PRH1: variants seen among roughly 807,000 people sequenced by gnomAD.
The protein encoded by PRH1 is salivary acidic proline-rich phosphoprotein 1/2.
Under a neutral mutation model 7.9 loss-of-function variants are expected in PRH1, and 7 were observed. The observed-to-expected ratio is 0.89, with a 90% CI of 0.50 to 1.67. The LOEUF is 1.67. Among genes scored for constraint, PRH1 ranks in the 40% most tolerant of loss-of-function variants. PRH1 has a pLI of 0.00. For synonymous variants in PRH1, 45 were observed against 80.8 expected (o/e 0.56, Z 2.38); for missense variants, 109 against 223.6 (o/e 0.49, Z 3.27).
intron 2 of PRH1, among the ~76,000 whole-genome samples, chr12:10,913,925 C>T (rs950023670): frequency 6.6e-6 from 1 of 152,188 alleles, no homozygotes; most frequent in East Asian, 1.9e-4. Flanking sequence ...ACTTCTCCTA[C>T]GTGGAGTCCC....
At chr12:10,960,758 TATC>T (rs1938201582) in intron 2 of PRH1, among the ~76,000 whole-genome samples, 1 of 152,190 alleles carries the variant, frequency 6.6e-6, no homozygotes, top group African/African-American at 2.4e-5. Context: ...AGAAGTAAAA[TATC>T]AGAAGAAGAG....
At chr12:10,914,878 C>T (rs1016313273) in intron 2 of PRH1, among the ~76,000 whole-genome samples, 2 of 152,184 alleles carry the variant, frequency 1.3e-5, no homozygotes, top group East Asian at 1.9e-4. Flanking sequence ...CCTGTAATCC[C>T]AGCACTTTGG....
intron 1 of PRH1, among the ~76,000 whole-genome samples, chr12:11,016,881 A>C (rs1029177987): frequency 7.9e-5 from 12 of 152,248 alleles, no homozygotes; most frequent in Middle Eastern, 3.4e-3. Flanking sequence ...AATAATAATC[A>C]CATTCTCCAA....
chr12:10,998,196 A>C (rs1940399239), intron 1 of PRH1, among the ~76,000 whole-genome samples: 1 of 152,210 alleles, frequency 6.6e-6, no homozygotes, highest in African/African-American at 2.4e-5. Context: ...ATTTGCTAGC[A>C]TTCAAATAAA....
At chr12:11,005,898 T>C (rs1004875325) in intron 1 of PRH1, 4 of 152,128 alleles carry the variant, frequency 2.6e-5, no homozygotes, top group African/African-American at 9.7e-5. Flanking sequence ...TGGGCACTTA[T>C]TAAAAAATAT....
intron 2 of PRH1, chr12:10,908,443 C>A: frequency 6.2e-7 from 1 of 1,613,794 alleles, no homozygotes; most frequent in Admixed American, 1.7e-5. Flanking sequence ...CTTAACTTAG[C>A]GTTTCCTAGA....
Position 10,882,518 on chromosome 12 carries a change from GGT to G in PRH1, c.279_280del (p.Pro94ThrfsTer96). 3 of 1,012,844 alleles carry G rather than the reference GGT, an allele frequency of 3.0e-6. No homozygotes were observed. Among genetic ancestry groups the G allele is most frequent in the Non-Finnish European group, 1.4e-6 (1 of 701,822 alleles). The allele number at this position is 1,012,844 out of a possible 1,614,324, so 62.7% of individuals were successfully genotyped here. A position where few individuals can be genotyped will look rare whatever the true frequency, so the allele number is the denominator to read the frequency against. ...TTGCTGCTGGCCTCCTTGTTGGGGT[GGT>G]CCTTGTGGCTTTCCCTGAGGAGGTG... On this transcript the variant is annotated frameshift_variant, in exon 3 of 4. Coordinates refer to ENST00000543626, the MANE Select transcript of PRH1 (RefSeq NM_001393989.1). LOFTEE classifies it low-confidence loss of function (END_TRUNC).
intron 1 of PRH1, among the ~76,000 whole-genome samples, chr12:11,001,436 C>T (rs1940591919): frequency 1.3e-5 from 2 of 152,078 alleles, no homozygotes; most frequent in Admixed American, 6.6e-5. Flanking sequence ...TCCTAAAATT[C>T]TCACTTTAGA....
intron 2 of PRH1, chr12:10,964,647 A>C (rs994902064): frequency 1.8e-6 from 1 of 541,496 alleles, no homozygotes; most frequent in Non-Finnish European, 3.4e-6. Context: ...GCAAATAACA[A>C]GAGGAAGGAG....
chr12:11,171,493 G>C, upstream of PRH1: 1 of 1,232,388 alleles, frequency 8.1e-7, no homozygotes. Flanking sequence ...TGGCAGCTGC[G>C]CATGAACTTC....
intron 1 of PRH1, among the ~76,000 whole-genome samples, chr12:11,100,062 A>AT: frequency 6.6e-6 from 1 of 152,294 alleles, no homozygotes; most frequent in South Asian, 2.1e-4. Context: ...CAACTAATTG[A>AT]TTTTTCCCTT....
At chr12:10,938,126 G>T in intron 2 of PRH1, 1 of 627,894 alleles carries the variant, frequency 1.6e-6, no homozygotes, top group Non-Finnish European at 2.7e-6. Flanking sequence ...TGATATGTTT[G>T]GATGGTGTTG....
rs1444089507 is a variant in PRH1 at position 11,043,566 on chromosome 12, A to G, written c.-126+3454T>C. On this transcript the variant is annotated intron_variant, in intron 1 of 3. Coordinates refer to the PRH1 transcript ENST00000539853. ...AACCTGAAGACTGTACCAAAAAACT[A>G]TTAGAATTGATAAACAAACTCAATA... Among the ~76,000 whole-genome samples, 7 of 152,096 alleles carry G rather than the reference A, an allele frequency of 4.6e-5. No homozygotes were observed. The East Asian group carries it at 7.7e-4, about 17-fold the overall frequency.
At position 10,960,136 on chromosome 12, in the gene PRH1, G is replaced by C. The variant is rs149613913; in HGVS notation, c.-59+13519C>G. Among the ~76,000 whole-genome samples the C allele has an allele frequency of 4.6e-3, 699 of 152,310 alleles. 5 individuals are homozygous for C. Among genetic ancestry groups the C allele is most frequent in the African/African-American group, 0.016 (673 of 41,562 alleles). Reference sequence around the variant, plus strand: ...GGGCTGATAGGCCAATAGTTGAAGAGGCTTCATACTTTGCTAAATAACTAT... The same window carrying C: ...GGGCTGATAGGCCAATAGTTGAAGACGCTTCATACTTTGCTAAATAACTAT... On this transcript the variant is annotated intron_variant, in intron 2 of 3. Coordinates refer to the PRH1 transcript ENST00000539853.
chr12:10,890,092 GCA>G (rs1222944733), intron 2 of PRH1, among the ~76,000 whole-genome samples: 1 of 151,922 alleles, frequency 6.6e-6, no homozygotes, highest in African/African-American at 2.4e-5. Context: ...GTTTTATCTT[GCA>G]CAGAGGGATT....
At chr12:11,146,172 A>G (rs940354978) in intron 1 of PRH1, among the ~76,000 whole-genome samples, 1 of 152,096 alleles carries the variant, frequency 6.6e-6, no homozygotes, top group African/African-American at 2.4e-5. Context: ...TTTTTATAAT[A>G]TATTTTACCA....
At chr12:11,118,692 T>C (rs1458681885), downstream of PRH1, among the ~76,000 whole-genome samples, 2 of 152,038 alleles carry the variant, frequency 1.3e-5, no homozygotes, top group Non-Finnish European at 2.9e-5. Flanking sequence ...AACAGATGAA[T>C]AGATAAAGAG....
At chr12:10,957,701 G>A (rs1371955325) in intron 2 of PRH1, among the ~76,000 whole-genome samples, 1 of 151,822 alleles carries the variant, frequency 6.6e-6, no homozygotes, top group East Asian at 1.9e-4. Flanking sequence ...GAACATATAA[G>A]GAATTTACAT....
chr12:11,093,839 T>C (rs1258106240), intron 1 of PRH1, among the ~76,000 whole-genome samples: 1 of 113,812 alleles, frequency 8.8e-6, no homozygotes, highest in African/African-American at 2.9e-5. Context: ...GCTTCCATAC[T>C]GGGGATTCTT....
Sources: allele counts gnomAD v4.1 joint callset (sites outside exome capture counted in the v4.1 genomes callset), GRCh38; gene constraint gnomAD v4.1.1; transcripts MANE v1.5; gene names NCBI Gene and HGNC (gene_info 2026-07-23, HGNC 2026-07-21).